Variants in CLSTN2 observed in about 807,000 individuals in gnomAD.
The protein encoded by CLSTN2 is calsyntenin-2.
Under a neutral mutation model 101.2 loss-of-function variants are expected in CLSTN2, and 48 were observed. The observed-to-expected ratio is 0.47, with a 90% confidence interval of 0.38 to 0.60. The LOEUF (loss-of-function observed/expected upper bound fraction) is 0.60, where lower values mean the gene tolerates loss of function less well. Among genes scored for constraint, CLSTN2 ranks in the 20% least tolerant of loss-of-function variants. The pLI is 0.00. For synonymous variants in CLSTN2, 481 were observed against 463.6 expected, an observed-to-expected ratio of 1.04 and a Z score of -0.48; for missense variants, 1,160 against 1,238.2, an observed-to-expected ratio of 0.94 and a Z score of 0.95.
chr3:140,045,020 G>A (rs566903861), intron 1 of CLSTN2, among the ~76,000 whole-genome samples: 6 of 152,238 alleles, frequency 3.9e-5, no homozygotes, highest in East Asian at 1.9e-4. Context: ...GCCAGGCTTC[G>A]GTATCAGGAT....
At chr3:140,259,063 C>A (rs983159183) in intron 2 of CLSTN2, among the ~76,000 whole-genome samples, 1 of 151,970 alleles carries the variant, frequency 6.6e-6, no homozygotes, top group African/African-American at 2.4e-5. Context: ...TTGACTCACA[C>A]ATTTGGATCA....
chr3:140,334,063 G>A (rs991693907), intron 2 of CLSTN2, among the ~76,000 whole-genome samples: 1 of 152,132 alleles, frequency 6.6e-6, no homozygotes, highest in African/African-American at 2.4e-5. Flanking sequence ...CTTTATCTTA[G>A]CCTTCCATGC....
At chr3:140,001,818 C>T (rs961153619) in intron 1 of CLSTN2, among the ~76,000 whole-genome samples, 37 of 152,094 alleles carry the variant, frequency 2.4e-4, no homozygotes, top group African/African-American at 8.4e-4. Context: ...TCTCTATCTT[C>T]ATGAGTTCAA....
At chr3:140,036,982 C>G (rs2007666924) in intron 1 of CLSTN2, among the ~76,000 whole-genome samples, 1 of 151,778 alleles carries the variant, frequency 6.6e-6, no homozygotes, top group Non-Finnish European at 1.5e-5. Flanking sequence ...ATTCCTGTAC[C>G]CTGAGATAAT....
At position 140,076,554 on chromosome 3, in the gene CLSTN2, C is replaced by G. The variant is rs919720960; in HGVS notation, c.110-99397C>G. On this transcript the variant is annotated intron_variant, in intron 1 of 16. Transcript: ENST00000458420. ...GGCTGATGGATGTCAATGCCGGCCT[C>G]CCACACTCTGGCTGACAGGCAGACT... Among the ~76,000 whole-genome samples the G allele has an allele frequency of 4.6e-5, 7 of 151,316 alleles. No homozygotes were observed. The South Asian group carries it at 1.3e-3, about 27-fold the overall frequency.
intron 2 of CLSTN2, among the ~76,000 whole-genome samples, chr3:140,247,498 T>C (rs886999740): frequency 6.6e-6 from 1 of 152,192 alleles, no homozygotes; most frequent in African/African-American, 2.4e-5. Flanking sequence ...ATTATCAATG[T>C]CAAACTGGCA....
intron 1 of CLSTN2, among the ~76,000 whole-genome samples, chr3:140,118,086 G>C (rs1386342581): frequency 3.3e-5 from 5 of 151,682 alleles, no homozygotes; most frequent in Non-Finnish European, 7.4e-5. Context: ...ATCTAATATT[G>C]GTGTCTTATA....
chr3:140,068,488 C>A (rs187838895), intron 1 of CLSTN2, among the ~76,000 whole-genome samples: 2 of 152,320 alleles, frequency 1.3e-5, no homozygotes, highest in East Asian at 3.9e-4. Flanking sequence ...TTGAAAGAAT[C>A]CCTGGGTACT....
At chr3:140,340,319 G>C (rs1351318964) in intron 2 of CLSTN2, among the ~76,000 whole-genome samples, 2 of 152,168 alleles carry the variant, frequency 1.3e-5, no homozygotes, top group Non-Finnish European at 2.9e-5. Context: ...ATGTATGCCG[G>C]CCAGCTTTGC....
At chr3:140,200,112 T>C (rs1397594051) in intron 2 of CLSTN2, among the ~76,000 whole-genome samples, 1 of 152,178 alleles carries the variant, frequency 6.6e-6, no homozygotes, top group East Asian at 1.9e-4. Flanking sequence ...CTTATATTTC[T>C]TTCCCTGGGA....
At chr3:140,228,663 G>A (rs1212214677) in intron 2 of CLSTN2, among the ~76,000 whole-genome samples, 1 of 152,182 alleles carries the variant, frequency 6.6e-6, no homozygotes, top group Non-Finnish European at 1.5e-5. Flanking sequence ...AAAGAAAGAG[G>A]TTTAATTCAA....
chr3:140,099,348 A>G (rs1473968364), intron 1 of CLSTN2, among the ~76,000 whole-genome samples: 1 of 152,092 alleles, frequency 6.6e-6, no homozygotes, highest in Non-Finnish European at 1.5e-5. Flanking sequence ...GACTCCAGGC[A>G]TTCCTTGGCT....
intron 1 of CLSTN2, among the ~76,000 whole-genome samples, chr3:139,954,076 G>A (rs188343996): frequency 2.9e-4 from 44 of 152,210 alleles, no homozygotes; most frequent in Admixed American, 5.2e-4. Flanking sequence ...CGTCACCCAG[G>A]TAATAAGCAG....
At chr3:140,406,647 C>T (rs1282255586) in intron 4 of CLSTN2, among the ~76,000 whole-genome samples, 1 of 152,232 alleles carries the variant, frequency 6.6e-6, no homozygotes, top group Non-Finnish European at 1.5e-5. Flanking sequence ...CACACCACTC[C>T]ATAAAATATT....
chr3:140,152,690 T>C (rs2009886534), intron 1 of CLSTN2, among the ~76,000 whole-genome samples: 1 of 152,182 alleles, frequency 6.6e-6, no homozygotes, highest in Admixed American at 6.5e-5. Flanking sequence ...TTGGAAGTGA[T>C]TTCCAGTGGG....
chr3:140,477,506 C>A (rs1394762124), intron 8 of CLSTN2, among the ~76,000 whole-genome samples: 1 of 152,202 alleles, frequency 6.6e-6, no homozygotes. Context: ...GGGAAACTAG[C>A]ATTTTTGAGA....
In CLSTN2 at chr3:140,074,719, A is replaced by T. The variant is rs184572193; in HGVS notation, c.110-101232A>T. ...CAAAGCTGGTAGTTGCAGAGATGGG[A>T]TGCAAATTCAGTTCCATTTGACTCC... On this transcript the variant is annotated intron_variant, in intron 1 of 16. Coordinates refer to ENST00000458420, the MANE Select transcript of CLSTN2 (RefSeq NM_022131.3). Among the ~76,000 whole-genome samples, 12 of 152,300 alleles carry T rather than the reference A, an allele frequency of 7.9e-5. 1 individual carries two copies. In the East Asian group the frequency reaches 2.3e-3, roughly 29 times the overall value.
intron 2 of CLSTN2, among the ~76,000 whole-genome samples, chr3:140,255,773 A>T (rs1316269863): frequency 1.3e-5 from 2 of 152,228 alleles, no homozygotes. Flanking sequence ...AAAGTTGGAA[A>T]AAAAAGAATT....
intron 6 of CLSTN2, chr3:140,449,774 A>AGC (rs1933196257): frequency 6.6e-6 from 1 of 152,230 alleles, no homozygotes. Flanking sequence ...TATCACAGGC[A>AGC]TTCTGTTTGT....
Sources: allele counts gnomAD v4.1 joint callset (sites outside exome capture counted in the v4.1 genomes callset), GRCh38; gene constraint gnomAD v4.1.1; transcripts MANE v1.5; gene names NCBI Gene and HGNC (gene_info 2026-07-23, HGNC 2026-07-21).